The following ACAD9 variants were observed in gnomAD, a reference collection of about 807,000 sequenced individuals.
ACAD9 encodes the protein acyl-CoA dehydrogenase family member 9, also known as complex I assembly factor ACAD9, mitochondrial.
A neutral mutation model predicts 70.2 loss-of-function variants in ACAD9; 53 were observed. The observed-to-expected ratio is 0.75, with a 90% CI of 0.61 to 0.95. ACAD9 has a LOEUF of 0.95. Among genes scored for constraint, ACAD9 ranks in the 40% least tolerant of loss-of-function variants. ACAD9 has a pLI of 0.00. For synonymous variants in ACAD9, 313 were observed against 312.1 expected (o/e 1.00, Z -0.03); for missense variants, 777 against 802.8 (o/e 0.97, Z 0.39).
chr3:128,899,587 C>G (rs1935679931), intron 7 of ACAD9, 126 bp downstream of exon 7: 1 of 1,088,684 alleles, frequency 9.2e-7, no homozygotes, highest in Non-Finnish European at 1.3e-6. Context: ...GCCCTTGACT[C>G]TGTCCAAATA....
chr3:128,893,755 C>T lies in ACAD9; in HGVS notation c.346+99C>T, dbSNP rs377741084. On this transcript the variant is annotated intron_variant, in intron 3 of 17. Coordinates refer to ENST00000308982, the MANE Select transcript of ACAD9 (RefSeq NM_014049.5). ...AGTTGCTGGAATAGATGACACCATC[C>T]GTGGTGGGCTACTTGGTAGGGGTGG... 4.9e-6 allele frequency: 5 copies of T among 1,010,490 alleles called. No homozygotes were observed. In the East Asian group the frequency reaches 7.5e-5, roughly 15 times the overall value. 62.6% of individuals were successfully genotyped at this position (1,010,490 alleles called of 1,614,324 possible). A position where few individuals can be genotyped will look rare whatever the true frequency, so the allele number is the denominator to read the frequency against.
At chr3:128,893,407 G>T (rs1935477937) in intron 2 of ACAD9, 148 bp from the exon 3 acceptor site, 1 of 654,748 alleles carries the variant, frequency 1.5e-6, no homozygotes, top group East Asian at 2.9e-5. Context: ...TTGAACACAG[G>T]CCAAATGACC....
chr3:128,886,812 C>T (rs1035231510), intron 2 of ACAD9, among the ~76,000 whole-genome samples: 6 of 149,374 alleles, frequency 4.0e-5, no homozygotes, highest in African/African-American at 1.5e-4. Context: ...TAATGTTTGG[C>T]TTATTAGAAG....
At chr3:128,895,497 T>C in intron 4 of ACAD9, 81 bp downstream of exon 4, 1 of 1,325,748 alleles carries the variant, frequency 7.5e-7, no homozygotes. Flanking sequence ...AGAGGCTTGC[T>C]CCCTCTGAAT....
At position 128,897,710 on chromosome 3, in the gene ACAD9, G is replaced by A; in HGVS notation, c.633G>A (p.Lys211=). ...AGCACTACATCCTCAATGGCTCCAA[G>A]GTAGGGTTCCTTCCCCATGGCCACA... ...DKKHYILNGS[K]VWITNGGLAN... Residue 211 remains lysine, a splice_region_variant and synonymous_variant, in exon 6 of 18, where the codon AAG becomes AAA. Coordinates refer to ENST00000308982, the MANE Select transcript of ACAD9 (RefSeq NM_014049.5). The A allele has an allele frequency of 6.2e-7, 1 of 1,613,072 alleles. No homozygotes were observed. Among genetic ancestry groups the A allele is most frequent in the East Asian group, 2.2e-5 (1 of 44,854 alleles).
intron 12 of ACAD9, 48 bp from the exon 13 acceptor site, chr3:128,908,137 G>T: frequency 6.3e-7 from 1 of 1,590,052 alleles, no homozygotes; most frequent in Admixed American, 1.7e-5. Flanking sequence ...CACTACCATG[G>T]CTGCCTGGCC....
chr3:128,897,238 G>C (rs1308498351), intron 5 of ACAD9, among the ~76,000 whole-genome samples: 1 of 152,182 alleles, frequency 6.6e-6, no homozygotes, highest in Non-Finnish European at 1.5e-5. Flanking sequence ...ACCCAGGCTG[G>C]AGTGCAGTGG....
intron 2 of ACAD9, among the ~76,000 whole-genome samples, chr3:128,885,568 A>T (rs1935221475): frequency 6.6e-6 from 1 of 151,670 alleles, no homozygotes; most frequent in Admixed American, 6.6e-5. Flanking sequence ...ATTTTTTTGT[A>T]TTTTTCATAG....
At chr3:128,891,637 A>G (rs565990116) in intron 2 of ACAD9, among the ~76,000 whole-genome samples, 1 of 152,208 alleles carries the variant, frequency 6.6e-6, no homozygotes, top group Non-Finnish European at 1.5e-5. Flanking sequence ...AAAAAGAAAA[A>G]GAAAAGTCTG....
rs79586702 is a variant in ACAD9, at chr3:128,902,803, G to C, written c.958+175G>C. Reference sequence around the variant, plus strand: ...CAGAGGGTCTCCTCAGCCTGCCCCTGAGGTTTGTTGTCTTCCGCATTCCTC... The same window carrying C: ...CAGAGGGTCTCCTCAGCCTGCCCCTCAGGTTTGTTGTCTTCCGCATTCCTC... On this transcript the variant is annotated intron_variant, in intron 9 of 17. Transcript: ENST00000308982. This position sits in a 1 kb window ranked among gnomAD's most constrained non-coding sequence, Gnocchi z 4.0. Among the ~76,000 whole-genome samples the C allele has an allele frequency of 4.5e-3, 687 of 152,284 alleles. 2 individuals are homozygous for C. The highest frequency in any genetic ancestry group is 0.016 in the African/African-American group (645 of 41,558).
intron 15 of ACAD9, 61 bp downstream of exon 15, chr3:128,909,482 A>G (rs1469979845): frequency 2.6e-6 from 4 of 1,528,852 alleles, no homozygotes; most frequent in African/African-American, 2.7e-5. Flanking sequence ...AGCATTCATG[A>G]GACTACTTTT....
At position 128,879,681 on chromosome 3, in the gene ACAD9, C is replaced by T. The variant is rs959271889; in HGVS notation, c.-11C>T. 1 of 1,612,072 alleles carries T rather than the reference C, an allele frequency of 6.2e-7. No individual in the cohort carries two copies. Among genetic ancestry groups the T allele is most frequent in the Non-Finnish European group, 8.5e-7 (1 of 1,179,888 alleles). Reference sequence around the variant, plus strand: ...GGAGACTGAGGCTGAGGCTGGGGAACATCGGGCAGCATGAGCGGCTGCGGG... The same window carrying T: ...GGAGACTGAGGCTGAGGCTGGGGAATATCGGGCAGCATGAGCGGCTGCGGG... On this transcript the variant is annotated 5_prime_UTR_variant, in exon 1 of 18. Coordinates refer to ENST00000308982, the MANE Select transcript of ACAD9 (RefSeq NM_014049.5).
intron 2 of ACAD9, among the ~76,000 whole-genome samples, chr3:128,887,333 C>T (rs1012919520): frequency 3.3e-5 from 5 of 152,060 alleles, no homozygotes; most frequent in East Asian, 3.9e-4. Flanking sequence ...CGGCTGGGCA[C>T]GGTGGCTCAC....
At chr3:128,908,381 C>T (rs1247801299) in intron 13 of ACAD9, 117 bp downstream of exon 13, 23 of 1,278,216 alleles carry the variant, frequency 1.8e-5, no homozygotes, top group South Asian at 1.2e-4. Context: ...GGGGGTGTGG[C>T]GCAGCCTTGT....
At chr3:128,903,284 T>G (rs1460636834) in intron 9 of ACAD9, among the ~76,000 whole-genome samples, 1 of 152,194 alleles carries the variant, frequency 6.6e-6, no homozygotes, top group African/African-American at 2.4e-5. Flanking sequence ...CTGTTTTGGC[T>G]TCCCTCCATT....
chr3:128,884,781 A>G (rs1255442225), intron 2 of ACAD9, 35 bp downstream of exon 2: 1 of 1,440,350 alleles, frequency 6.9e-7, no homozygotes, highest in Non-Finnish European at 9.8e-7. Context: ...GCCGATTTCC[A>G]TTGTAAGGGC....
intron 7 of ACAD9, among the ~76,000 whole-genome samples, chr3:128,900,209 C>T (rs1291135119): frequency 2.0e-5 from 3 of 151,848 alleles, no homozygotes; most frequent in Non-Finnish European, 2.9e-5. Context: ...TAGGATTACA[C>T]GTGTGAGTTA....
At chr3:128,896,847 G>A (rs937479396) in intron 5 of ACAD9, among the ~76,000 whole-genome samples, 10 of 152,176 alleles carry the variant, frequency 6.6e-5, no homozygotes, top group African/African-American at 1.2e-4. Flanking sequence ...AATATATAGC[G>A]TGGGTGGTAC....
chr3:128,901,615 G>T (rs1390424131), intron 8 of ACAD9, among the ~76,000 whole-genome samples: 1 of 152,208 alleles, frequency 6.6e-6, no homozygotes, highest in Non-Finnish European at 1.5e-5. Context: ...TCTGCAGTGG[G>T]TATGAGAAAG....
Sources: gnomAD v4.1 joint callset for allele counts (sites outside exome capture counted in the v4.1 genomes callset) on GRCh38, gnomAD v4.1.1 for gene constraint, Gnocchi (gnomAD v3.1) non-coding constraint, MANE v1.5 for transcripts, NCBI Gene and HGNC (gene_info 2026-07-23, HGNC 2026-07-21) for gene names.